The following BICRA variants were observed in gnomAD, a reference collection of about 807,000 sequenced individuals.
The protein encoded by BICRA is BRD4-interacting chromatin-remodeling complex-associated protein.
A neutral mutation model predicts 96.9 loss-of-function variants in BICRA; 31 were observed. The ratio of observed to expected loss-of-function variants is 0.32; its 90% CI spans 0.24 to 0.43. BICRA has a LOEUF of 0.43. BICRA is among the 20% of genes least tolerant of loss of function. The pLI, the probability that BICRA is intolerant of heterozygous loss-of-function variation, is 1.00. For synonymous variants in BICRA, 1,350 were observed against 1,071.8 expected (o/e 1.26, Z -5.07); for missense variants, 2,283 against 2,190.3 (o/e 1.04, Z -0.84).
chr19:47,609,102 T>G (rs1422711032), upstream of BICRA: 3 of 147,580 alleles, frequency 2.0e-5, no homozygotes, highest in Admixed American at 6.7e-5. Context: ...CCCTTCTGGG[T>G]CCTCCCTTTG....
intron 7 of BICRA, among the ~76,000 whole-genome samples, chr19:47,688,317 T>C (rs149509326): frequency 3.0e-4 from 45 of 152,220 alleles, no homozygotes; most frequent in Non-Finnish European, 4.6e-4. Flanking sequence ...AACAATCCAC[T>C]CATATGTTAG....
At chr19:47,685,778 TGTGTGTGTGCGCGC>T (rs1395308396) in intron 7 of BICRA, among the ~76,000 whole-genome samples, 2 of 131,736 alleles carry the variant, frequency 1.5e-5, no homozygotes, top group South Asian at 5.1e-4. Flanking sequence ...TGTGTGTGTG[TGTGTGTGTGCGCGC>T]GCGCGCGCAT....
chr19:47,631,155 A>C (rs950853055), intron 1 of BICRA, among the ~76,000 whole-genome samples: 1 of 152,150 alleles, frequency 6.6e-6, no homozygotes, highest in African/African-American at 2.4e-5. Flanking sequence ...TCCTGGGTTC[A>C]AGCGATTCTT....
chr19:47,693,969 C>G, intron 7 of BICRA, 146 bp from the exon 8 acceptor site: 1 of 926,946 alleles, frequency 1.1e-6, no homozygotes, highest in South Asian at 1.9e-5. Flanking sequence ...GAAGGGCAGC[C>G]GTGGTGGGCT....
chr19:47,646,107 A>G (rs1334388740), intron 1 of BICRA, among the ~76,000 whole-genome samples: 1 of 152,158 alleles, frequency 6.6e-6, no homozygotes, highest in East Asian at 1.9e-4. Flanking sequence ...CCAAAAAAAG[A>G]AAAACGTAGA....
rs1386432474 is a variant in BICRA, at chr19:47,698,558, T to C, written c.3249-76T>C. 4.1e-6 allele frequency: 3 copies of C among 730,734 alleles called. No homozygotes were observed. The African/African-American group carries it at 5.2e-5, about 13-fold the overall frequency. 45.3% of individuals were successfully genotyped at this position (730,734 alleles called of 1,614,324 possible). A position where few individuals can be genotyped will look rare whatever the true frequency, so the allele number is the denominator to read the frequency against. On this transcript the variant is annotated intron_variant, in intron 11 of 14. Coordinates refer to ENST00000594866, the MANE Select transcript of BICRA (RefSeq NM_001394372.1). This position sits in a 1 kb window ranked among gnomAD's most constrained non-coding sequence, Gnocchi z 4.8. ...TTCAGTTGCGGCCTGGGGCTGAGGG[T>C]TCAGGGACTTCCCCTGGCCCTCACC... is the stretch of plus-strand genomic sequence containing the variant.
intron 10 of BICRA, 70 bp from the exon 11 acceptor site, chr19:47,696,381 G>A (rs1722532324): frequency 7.1e-7 from 1 of 1,416,780 alleles, no homozygotes; most frequent in Non-Finnish European, 9.7e-7. Flanking sequence ...TCCTAGGCTA[G>A]AGGGGAAGCT....
intron 1 of BICRA, among the ~76,000 whole-genome samples, chr19:47,615,257 C>T (rs1971966022): frequency 1.3e-5 from 2 of 152,256 alleles, no homozygotes; most frequent in Admixed American, 6.5e-5. Flanking sequence ...GCTGGGATTA[C>T]AGGCGTGAGC....
Position 47,626,688 on chromosome 19 carries a change from A to G in BICRA, c.-108+17520A>G, listed in dbSNP as rs1599790169. Among the ~76,000 whole-genome samples, 8 of 142,412 alleles carry G rather than the reference A, an allele frequency of 5.6e-5. No homozygotes were observed. The South Asian group carries it at 1.8e-3, about 32-fold the overall frequency. 93.4% of individuals were successfully genotyped at this position (142,412 alleles called of 152,430 possible). ...CTCCCAAAGCAGTGAGATTACAGGC[A>G]TGAGCTACCACGTCCAGCTGCATCC... On this transcript the variant is annotated intron_variant, in intron 1 of 14. Transcript: ENST00000594866.
chr19:47,619,201 C>CAT (rs10528949), intron 1 of BICRA, among the ~76,000 whole-genome samples: 102,135 of 141,090 alleles, frequency 0.72, 37,148 homozygotes, highest in Middle Eastern at 0.81. Flanking sequence ...TGTATATATA[C>CAT]ATATATATAT....
At chr19:47,649,049 C>T (rs1168256329) in intron 1 of BICRA, among the ~76,000 whole-genome samples, 1 of 152,082 alleles carries the variant, frequency 6.6e-6, no homozygotes, top group Non-Finnish European at 1.5e-5. Flanking sequence ...GACGGGGTTT[C>T]ACCATGTTAG....
At position 47,694,271 on chromosome 19, in the gene BICRA, C is replaced by T; in HGVS notation, c.2440C>T (p.Pro814Ser). ...PSRPQSVSRP[P>S]SEPPLHPCPP... ...CCGGCCACAGAGTGTGTCCCGCCCT[C>T]CCTCAGAGCCACCCTTGCACCCTTG... The change falls in exon 8 of 15, where the codon CCC (proline) becomes TCC (serine). Residue 814 changes from proline to serine, a missense_variant. Coordinates refer to ENST00000594866, the MANE Select transcript of BICRA (RefSeq NM_001394372.1). The T allele has an allele frequency of 1.2e-6, 1 of 850,564 alleles. No homozygotes were observed. Among genetic ancestry groups the T allele is most frequent in the Non-Finnish European group, 1.9e-6 (1 of 537,674 alleles). The allele number at this position is 850,564 out of a possible 1,614,324, so 52.7% of individuals were successfully genotyped here.
intron 5 of BICRA, chr19:47,679,079 T>A (rs73049975): frequency 0.047 from 17,146 of 364,616 alleles, 625 homozygotes; most frequent in South Asian, 0.089. Flanking sequence ...TTTTCTTTTT[T>A]AAAATTTTTT....
Position 47,695,494 on chromosome 19 carries a change from G to A in BICRA, c.3186+20G>A. ...CTGCAGGTAAGGGGCCCTTAGAGCA[G>A]GGGTCAGGACAGGACCAGGAGTCTT... On this transcript the variant is annotated intron_variant, in intron 10 of 14. Coordinates refer to ENST00000594866, the MANE Select transcript of BICRA (RefSeq NM_001394372.1). 1 of 1,206,516 alleles carries A rather than the reference G, an allele frequency of 8.3e-7. No individual in the cohort carries two copies. Among genetic ancestry groups the A allele is most frequent in the Admixed American group, 1.9e-5 (1 of 52,364 alleles). 74.7% of individuals were successfully genotyped at this position (1,206,516 alleles called of 1,614,324 possible).
intron 1 of BICRA, among the ~76,000 whole-genome samples, chr19:47,611,417 G>A (rs1457381210): frequency 6.6e-6 from 1 of 152,134 alleles, no homozygotes; most frequent in African/African-American, 2.4e-5. Context: ...TGGGGGAGGG[G>A]GAGCCCCAGG....
At position 47,676,041 on chromosome 19, in the gene BICRA, GTGGGCCACCCAGGGTGGC is replaced by G. The variant is rs1194660475; in HGVS notation, c.150+129_150+146del. 3.9e-5 allele frequency: 24 copies of G among 615,026 alleles called. 1 individual carries two copies. The highest frequency in any genetic ancestry group is 5.7e-5 in the Non-Finnish European group (20 of 348,194). 38.1% of individuals were successfully genotyped at this position (615,026 alleles called of 1,614,324 possible). On this transcript the variant is annotated intron_variant, in intron 5 of 14. Coordinates refer to ENST00000594866, the MANE Select transcript of BICRA (RefSeq NM_001394372.1). ...GGCTGTTGACAGGAGGAGGGCGGGG[GTGGGCCACCCAGGGTGGC>G]TGGACCACCCTGGCAGTGCAGGAGG...
intron 1 of BICRA, among the ~76,000 whole-genome samples, chr19:47,650,769 C>T (rs1301371132): frequency 3.9e-5 from 6 of 152,030 alleles, no homozygotes; most frequent in Non-Finnish European, 7.4e-5. Context: ...GCTTTGGGAC[C>T]AGCAGAATGC....
At chr19:47,681,514 C>T (rs1973059840) in intron 6 of BICRA, among the ~76,000 whole-genome samples, 1 of 152,096 alleles carries the variant, frequency 6.6e-6, no homozygotes, top group African/African-American at 2.4e-5. Flanking sequence ...GGCAGGACAA[C>T]TGTTAGGCAG....
At chr19:47,616,225 G>C (rs959251914) in intron 1 of BICRA, among the ~76,000 whole-genome samples, 1 of 152,224 alleles carries the variant, frequency 6.6e-6, no homozygotes, top group African/African-American at 2.4e-5. Flanking sequence ...CCCAAAAAAT[G>C]TGAGTGGCTG....
Sources: gnomAD v4.1 joint callset for allele counts (sites outside exome capture counted in the v4.1 genomes callset) on GRCh38, gnomAD v4.1.1 for gene constraint, Gnocchi (gnomAD v3.1) non-coding constraint, MANE v1.5 for transcripts, NCBI Gene and HGNC (gene_info 2026-07-23, HGNC 2026-07-21) for gene names.